ARHGAP44: variants seen among roughly 807,000 people sequenced by gnomAD.
ARHGAP44 encodes rho GTPase-activating protein 44.
ARHGAP44 carries 43 observed loss-of-function variants against 106.8 expected under a neutral mutation model. The observed-to-expected ratio is 0.40, with a 90% CI of 0.32 to 0.52. ARHGAP44 has a LOEUF of 0.52. ARHGAP44 is among the 20% of genes least tolerant of loss of function. The pLI, the probability that ARHGAP44 is intolerant of heterozygous loss-of-function variation, is 0.48. For synonymous variants in ARHGAP44, 439 were observed against 410.3 expected (o/e 1.07, Z -0.85); for missense variants, 866 against 1,050.5 (o/e 0.82, Z 2.43).
chr17:12,827,218 T>G (rs1409269256), intron 1 of ARHGAP44, among the ~76,000 whole-genome samples: 6 of 152,174 alleles, frequency 3.9e-5, no homozygotes, highest in Non-Finnish European at 8.8e-5. Context: ...AAAATATGTA[T>G]TGTTGTTTTG....
chr17:12,969,252 T>A (rs2039468216), intron 16 of ARHGAP44, among the ~76,000 whole-genome samples: 1 of 152,016 alleles, frequency 6.6e-6, no homozygotes, highest in Admixed American at 6.6e-5. Flanking sequence ...TTTCCCCCCT[T>A]TATCAACATA....
chr17:12,964,906 G>A (rs1391465556), intron 16 of ARHGAP44, among the ~76,000 whole-genome samples: 1 of 151,954 alleles, frequency 6.6e-6, no homozygotes, highest in African/African-American at 2.4e-5. Context: ...CTGTCTCCAC[G>A]ACCTGCAAGA....
chr17:12,838,856 G>A (rs1297975557), intron 1 of ARHGAP44, among the ~76,000 whole-genome samples: 1 of 151,864 alleles, frequency 6.6e-6, no homozygotes, highest in Non-Finnish European at 1.5e-5. Context: ...GTGTGTATGT[G>A]TGTGTATATA....
At chr17:12,850,642 C>T in intron 1 of ARHGAP44, among the ~76,000 whole-genome samples, 1 of 152,152 alleles carries the variant, frequency 6.6e-6, no homozygotes, top group Non-Finnish European at 1.5e-5. Flanking sequence ...ATTCCCTTGG[C>T]ACCAGCACTC....
intron 1 of ARHGAP44, among the ~76,000 whole-genome samples, chr17:12,883,391 T>TCCTG (rs2036794824): frequency 6.6e-6 from 1 of 151,330 alleles, no homozygotes; most frequent in Non-Finnish European, 1.5e-5. Context: ...TTTTTTATTG[T>TCCTG]TTTTTCTTCT....
chr17:12,890,679 C>T (rs1331304236), intron 1 of ARHGAP44, among the ~76,000 whole-genome samples: 1 of 152,158 alleles, frequency 6.6e-6, no homozygotes, highest in Non-Finnish European at 1.5e-5. Context: ...CCATGCTAAG[C>T]CTTTTCTCAA....
intron 1 of ARHGAP44, among the ~76,000 whole-genome samples, chr17:12,836,547 C>T (rs1221112199): frequency 6.6e-6 from 1 of 151,912 alleles, no homozygotes; most frequent in South Asian, 2.1e-4. Context: ...ACTCGGGAGG[C>T]TGAGGCAGGA....
rs190742990 is a variant in ARHGAP44, at chr17:12,894,698, C to G, written c.54-242C>G. Among the ~76,000 whole-genome samples the G allele has an allele frequency of 5.9e-3, 819 of 138,298 alleles. 9 individuals are homozygous for G. Among genetic ancestry groups the G allele is most frequent in the Non-Finnish European group, 9.6e-3 (584 of 60,892 alleles). The allele number at this position is 138,298 out of a possible 152,430, so 90.7% of individuals were successfully genotyped here. On this transcript the variant is annotated intron_variant, in intron 1 of 20. Coordinates refer to ENST00000379672, the MANE Select transcript of ARHGAP44 (RefSeq NM_014859.6). ...GGAAACAAAGGCATACATTTGTTGT[C>G]ATGAATCCAGGTTCCAATCTGTAGC...
Position 12,907,231 on chromosome 17 carries a change from G to A in ARHGAP44, c.199-1666G>A, listed in dbSNP as rs75981815. On this transcript the variant is annotated intron_variant, in intron 3 of 20. Transcript: ENST00000379672. The stretch of plus-strand genomic sequence containing the variant: ...TGCTAGTGGTTCTTACCTTGTTTTT[G>A]TTCTGTCTGTGTGTACTGGCTGGTC... Among the ~76,000 whole-genome samples, 398 of 152,272 alleles carry A rather than the reference G, an allele frequency of 2.6e-3. 10 individuals carry two copies. The East Asian group carries it at 0.045, about 17-fold the overall frequency.
At chr17:12,876,044 C>A (rs560609108) in intron 1 of ARHGAP44, among the ~76,000 whole-genome samples, 1 of 152,156 alleles carries the variant, frequency 6.6e-6, no homozygotes, top group African/African-American at 2.4e-5. Context: ...ACTGCTTTCT[C>A]GAGCTAGAAA....
intron 13 of ARHGAP44, among the ~76,000 whole-genome samples, chr17:12,953,159 G>T (rs1226613546): frequency 6.6e-6 from 1 of 152,124 alleles, no homozygotes; most frequent in East Asian, 1.9e-4. Context: ...TCACAGGAAG[G>T]AGAGATGAGG....
chr17:12,807,552 GA>G (rs2034313702), intron 1 of ARHGAP44, among the ~76,000 whole-genome samples: 1 of 152,170 alleles, frequency 6.6e-6, no homozygotes, highest in Non-Finnish European at 1.5e-5. Flanking sequence ...ACGTATAGGG[GA>G]ATTCCTCTTT....
intron 3 of ARHGAP44, among the ~76,000 whole-genome samples, chr17:12,905,922 G>A (rs6502214): frequency 0.73 from 111,013 of 152,062 alleles, 40,816 homozygotes; most frequent in East Asian, 0.98. Flanking sequence ...GACACTTGCA[G>A]ATCAAACCAG....
At chr17:12,830,743 AT>A (rs11454927) in intron 1 of ARHGAP44, among the ~76,000 whole-genome samples, 2 of 151,654 alleles carry the variant, frequency 1.3e-5, no homozygotes, top group Admixed American at 1.3e-4. Flanking sequence ...ATATGTTATT[AT>A]TTTTTTTCCT....
At chr17:12,866,373 T>C (rs954179049) in intron 1 of ARHGAP44, among the ~76,000 whole-genome samples, 1 of 152,160 alleles carries the variant, frequency 6.6e-6, no homozygotes, top group African/African-American at 2.4e-5. Flanking sequence ...TTGTAAGAGT[T>C]TTACCCGTAA....
Position 12,789,906 on chromosome 17 carries a change from G to T in ARHGAP44, c.53+15G>T. 1 of 1,512,646 alleles carries T rather than the reference G, an allele frequency of 6.6e-7. No individual in the cohort carries two copies. The highest frequency in any genetic ancestry group is 8.8e-7 in the Non-Finnish European group (1 of 1,132,384). The allele number at this position is 1,512,646 out of a possible 1,614,324, so 93.7% of individuals were successfully genotyped here. Reference sequence around the variant, plus strand: ...ACGGTGGGCAGGTAGGTCACCCGCGGGCACCGCTGTCGGTGCGCGCCCGCG... The same window carrying T: ...ACGGTGGGCAGGTAGGTCACCCGCGTGCACCGCTGTCGGTGCGCGCCCGCG... On this transcript the variant is annotated intron_variant, in intron 1 of 20. Transcript: ENST00000379672.
At chr17:12,883,204 G>A (rs1006901781) in intron 1 of ARHGAP44, among the ~76,000 whole-genome samples, 1 of 150,498 alleles carries the variant, frequency 6.6e-6, no homozygotes, top group Non-Finnish European at 1.5e-5. Flanking sequence ...GCTCACAAAT[G>A]TTATATATCT....
chr17:12,924,594 G>A (rs754071733), intron 6 of ARHGAP44, among the ~76,000 whole-genome samples: 1 of 152,110 alleles, frequency 6.6e-6, no homozygotes, highest in African/African-American at 2.4e-5. Flanking sequence ...TTTGTATATT[G>A]AAGCGCTAAC....
At chr17:12,870,140 C>T (rs560912702) in intron 1 of ARHGAP44, among the ~76,000 whole-genome samples, 63 of 149,014 alleles carry the variant, frequency 4.2e-4, no homozygotes, top group African/African-American at 1.5e-3. Context: ...CCTCCAACTC[C>T]CAGGCTCCAG....
Sources: allele counts gnomAD v4.1 joint callset (sites outside exome capture counted in the v4.1 genomes callset), GRCh38; gene constraint gnomAD v4.1.1; transcripts MANE v1.5; gene names NCBI Gene and HGNC (gene_info 2026-07-23, HGNC 2026-07-21).